The following LRRC40 variants were observed in gnomAD, a reference collection of about 807,000 sequenced individuals.
The protein encoded by LRRC40 is leucine-rich repeat-containing protein 40.
In LRRC40, 76 loss-of-function variants were observed where a neutral mutation model predicts 72.8. The observed-to-expected ratio is 1.04, with a 90% CI of 0.87 to 1.26. The LOEUF (loss-of-function observed/expected upper bound fraction) is 1.26. LRRC40 is among the 50% of genes most tolerant of loss of function. LRRC40 has a pLI of 0.00. For missense variants in LRRC40, 684 were observed against 698.9 expected (o/e 0.98, Z 0.24); for synonymous variants, 243 against 254.2 (o/e 0.96, Z 0.42).
chr1:70,173,981 A>G (rs1285594628), intron 7 of LRRC40, among the ~76,000 whole-genome samples: 1 of 152,102 alleles, frequency 6.6e-6, no homozygotes, highest in African/African-American at 2.4e-5. Context: ...CTAAAAAAGT[A>G]AATGTTAAAC....
intron 9 of LRRC40, among the ~76,000 whole-genome samples, chr1:70,172,003 C>T (rs1043993401): frequency 6.6e-6 from 1 of 152,018 alleles, no homozygotes; most frequent in African/African-American, 2.4e-5. Context: ...ATGTGTTACC[C>T]CAAATTTCCT....
At chr1:70,162,166 C>T (rs1181113322) in intron 9 of LRRC40, among the ~76,000 whole-genome samples, 1 of 151,918 alleles carries the variant, frequency 6.6e-6, no homozygotes, top group East Asian at 1.9e-4. Flanking sequence ...ACTAAGTGAA[C>T]CATCATTTTC....
At chr1:70,205,345 G>T in intron 1 of LRRC40, 45 bp downstream of exon 1, 1 of 1,501,980 alleles carries the variant, frequency 6.7e-7, no homozygotes, top group Non-Finnish European at 9.0e-7. Context: ...TGGGCCAAAG[G>T]CTTTCTGACA....
chr1:70,187,660 A>G (rs901550844), intron 2 of LRRC40, among the ~76,000 whole-genome samples: 2 of 140,976 alleles, frequency 1.4e-5, no homozygotes, highest in Non-Finnish European at 3.1e-5. Context: ...CCTTGTCTCT[A>G]CAAAAAAAAA....
intron 9 of LRRC40, among the ~76,000 whole-genome samples, chr1:70,171,560 G>A (rs1158706953): frequency 6.6e-6 from 1 of 151,998 alleles, no homozygotes; most frequent in African/African-American, 2.4e-5. Context: ...ATGCACAAAT[G>A]ACTAATAAAG....
At chr1:70,179,139 T>C (rs1417865388) in intron 5 of LRRC40, 146 bp from the exon 6 acceptor site, 2 of 417,748 alleles carry the variant, frequency 4.8e-6, no homozygotes, top group Non-Finnish European at 8.7e-6. Flanking sequence ...CACCACTGAA[T>C]TAAATAAATG....
At chr1:70,201,577 T>C (rs1668738488) in intron 1 of LRRC40, among the ~76,000 whole-genome samples, 1 of 152,208 alleles carries the variant, frequency 6.6e-6, no homozygotes. Flanking sequence ...CAAAAGTTCT[T>C]AATAGACACC....
At chr1:70,180,191 T>C (rs1389334366) in intron 5 of LRRC40, 1 of 152,138 alleles carries the variant, frequency 6.6e-6, no homozygotes, top group Non-Finnish European at 1.5e-5. Flanking sequence ...TAGTGGATAT[T>C]CAAAGGGGCA....
chr1:70,198,215 A>G (rs190539906), intron 1 of LRRC40, among the ~76,000 whole-genome samples: 1 of 152,204 alleles, frequency 6.6e-6, no homozygotes, highest in Admixed American at 6.5e-5. Context: ...TGCTCTCTTC[A>G]AGATAAGGCA....
rs747876421 is a variant in LRRC40 at position 70,205,522 on chromosome 1, T to C, written c.19A>G (p.Ile7Val). The change falls in exon 1 of 15, where the codon ATA (isoleucine) becomes GTA (valine). Residue 7 changes from isoleucine to valine, a missense_variant. Physicochemically the swap from Ile to Val is conservative, Grantham distance 29. Coordinates refer to ENST00000370952, the MANE Select transcript of LRRC40 (RefSeq NM_017768.5). MSRLKR[I>V]AGQDLRAGFK... ...CCAGCGCGGAGATCCTGCCCCGCTATCCGCTTCAGGCGCGACATGTTCAAA... is the reference window on the plus strand; with the variant it reads ...CCAGCGCGGAGATCCTGCCCCGCTACCCGCTTCAGGCGCGACATGTTCAAA... 6.9e-6 allele frequency: 11 copies of C among 1,598,420 alleles called. No homozygotes were observed. Among genetic ancestry groups the C allele is most frequent in the South Asian group, 2.2e-5 (2 of 89,886 alleles).
chr1:70,201,173 A>C (rs1479376285), intron 1 of LRRC40, among the ~76,000 whole-genome samples: 1 of 152,178 alleles, frequency 6.6e-6, no homozygotes, highest in African/African-American at 2.4e-5. Flanking sequence ...GTCTCAAAAA[A>C]ACAAAAAACA....
At chr1:70,202,543 G>A (rs1349538322) in intron 1 of LRRC40, among the ~76,000 whole-genome samples, 1 of 152,132 alleles carries the variant, frequency 6.6e-6, no homozygotes, top group East Asian at 1.9e-4. Context: ...GATAGGTAAG[G>A]AATGAATGGG....
intron 6 of LRRC40, among the ~76,000 whole-genome samples, chr1:70,178,420 A>G (rs991369416): frequency 2.6e-5 from 4 of 152,246 alleles, no homozygotes; most frequent in African/African-American, 9.6e-5. Context: ...TGGCAAATTT[A>G]CAAGACACCA....
chr1:70,198,761 C>T (rs1371836852), intron 1 of LRRC40, among the ~76,000 whole-genome samples: 1 of 152,020 alleles, frequency 6.6e-6, no homozygotes, highest in South Asian at 2.1e-4. Context: ...GACTATTATA[C>T]AGCCACTAAA....
intron 9 of LRRC40, among the ~76,000 whole-genome samples, chr1:70,160,573 A>T (rs1313731013): frequency 1.3e-5 from 2 of 152,222 alleles, no homozygotes; most frequent in African/African-American, 4.8e-5. Context: ...TGCCAAAATT[A>T]AATAAGCAGA....
intron 5 of LRRC40, chr1:70,180,565 A>T (rs910768352): frequency 3.9e-5 from 6 of 152,208 alleles, no homozygotes; most frequent in African/African-American, 1.4e-4. Context: ...TTAATCCCTT[A>T]ATGTTAGTTC....
At chr1:70,171,924 A>G (rs1668008381) in intron 9 of LRRC40, among the ~76,000 whole-genome samples, 1 of 152,172 alleles carries the variant, frequency 6.6e-6, no homozygotes, top group Non-Finnish European at 1.5e-5. Flanking sequence ...ATTATCTGTA[A>G]TAGCCAAAAG....
intron 4 of LRRC40, among the ~76,000 whole-genome samples, chr1:70,184,448 G>A (rs899483664): frequency 6.6e-6 from 1 of 152,100 alleles, no homozygotes; most frequent in Non-Finnish European, 1.5e-5. Flanking sequence ...TATAAGGAAG[G>A]AAATGGAAAT....
chr1:70,179,696 CAA>C (rs1558122147), intron 5 of LRRC40, among the ~76,000 whole-genome samples: 3 of 151,970 alleles, frequency 2.0e-5, no homozygotes. Context: ...TCCTATCTCT[CAA>C]GATATTTCCA....
Sources: allele counts gnomAD v4.1 joint callset (sites outside exome capture counted in the v4.1 genomes callset), GRCh38; gene constraint gnomAD v4.1.1; transcripts MANE v1.5; gene names NCBI Gene and HGNC (gene_info 2026-07-23, HGNC 2026-07-21).